Variants in GAS6 observed in about 807,000 individuals in gnomAD.
The protein encoded by GAS6 is growth arrest-specific protein 6.
Under a neutral mutation model 75.8 loss-of-function variants are expected in GAS6, and 41 were observed. That is an observed-to-expected ratio of 0.54 (90% CI 0.42 to 0.70). The LOEUF (loss-of-function observed/expected upper bound fraction) is 0.70, where lower values mean the gene tolerates loss of function less well. GAS6 is among the 30% of genes least tolerant of loss of function. The probability of loss-of-function intolerance (pLI) is 0.00; values close to 1 mark genes in which losing one functional copy is unlikely to be tolerated. For synonymous variants in GAS6, 432 were observed against 412.6 expected (o/e 1.05, Z -0.57); for missense variants, 854 against 940.2 (o/e 0.91, Z 1.20).
At chr13:113,821,072 C>T in intron 14 of GAS6, 54 bp from the exon 15 acceptor site, 1 of 1,579,974 alleles carries the variant, frequency 6.3e-7, no homozygotes, top group Non-Finnish European at 8.7e-7. Context: ...GCCGGCCCCG[C>T]CTGGCCCCCC....
intron 4 of GAS6, chr13:113,841,065 C>G (rs1449677733): frequency 6.6e-6 from 1 of 152,302 alleles, no homozygotes; most frequent in Non-Finnish European, 1.5e-5. Flanking sequence ...CCTGAGGCTC[C>G]CAAGGTGACG....
intron 8 of GAS6, 33 bp downstream of exon 8, chr13:113,834,518 C>T (rs760628689): frequency 5.0e-5 from 75 of 1,494,424 alleles, no homozygotes; most frequent in Non-Finnish European, 6.0e-5. Flanking sequence ...CCGGAACCAC[C>T]GTGAAGGGCC....
chr13:113,863,715 T>A lies in GAS6; in HGVS notation c.115A>T (p.Thr39Ser). 6.6e-7 allele frequency: 1 copy of A among 1,505,026 alleles called. No individual in the cohort carries two copies. The highest frequency in any genetic ancestry group is 8.8e-7 in the Non-Finnish European group (1 of 1,130,242). The allele number at this position is 1,505,026 out of a possible 1,614,324, so 93.2% of individuals were successfully genotyped here. A position where few individuals can be genotyped will look rare whatever the true frequency, so the allele number is the denominator to read the frequency against. Residue 39 changes from threonine to serine, a missense_variant, in exon 2 of 15, where the codon ACG (threonine) becomes TCG (serine). Physicochemically the swap from Thr to Ser is moderately conservative, Grantham distance 58. Coordinates refer to ENST00000327773, the MANE Select transcript of GAS6 (RefSeq NM_000820.4). The surrounding 1 kb of genome is among the most constrained non-coding windows in gnomAD (Gnocchi z 9.4). The stretch of plus-strand genomic sequence containing the variant: ...CGCTGCCTGGGCCGCAGGAACTGCG[T>A]GGCCTCGCGCGCCGGCAACAGCGCG... ...LAALLPAREA[T>S]QFLRPRQRRA...
At chr13:113,833,015 C>T (rs2051649781) in intron 8 of GAS6, 1 of 1,375,868 alleles carries the variant, frequency 7.3e-7, no homozygotes, top group Non-Finnish European at 9.4e-7. Flanking sequence ...TCCCTTGACC[C>T]TTTATTTTTA....
intron 13 of GAS6, 69 bp downstream of exon 13, chr13:113,823,306 G>C: frequency 6.7e-7 from 1 of 1,492,528 alleles, no homozygotes; most frequent in Non-Finnish European, 9.0e-7. Context: ...TTCGTCCCCT[G>C]CCAGGGAGTG....
At position 113,823,623 on chromosome 13, in the gene GAS6, C is replaced by T. The variant is rs535033524; in HGVS notation, c.1478-73G>A. ...CCACAGTGAGGTCGGAGCAGGGCCT[C>T]GAGAGATGCAGTCCCAGCCGGGGTG... On this transcript the variant is annotated intron_variant, in intron 12 of 14. Transcript: ENST00000327773. The T allele has an allele frequency of 3.3e-4, 479 of 1,436,834 alleles. 4 individuals are homozygous for T. In the East Asian group the frequency reaches 9.6e-3, roughly 29 times the overall value. The allele number at this position is 1,436,834 out of a possible 1,614,324, so 89.0% of individuals were successfully genotyped here. A position where few individuals can be genotyped will look rare whatever the true frequency, so the allele number is the denominator to read the frequency against.
chr13:113,842,666 A>G (rs998301983), intron 4 of GAS6: 1 of 397,240 alleles, frequency 2.5e-6, no homozygotes, highest in Non-Finnish European at 4.4e-6. Context: ...CGTGCAGGGC[A>G]GGCGGCCTGT....
Position 113,848,699 on chromosome 13 carries a change from T to C in GAS6, c.256-649A>G, listed in dbSNP as rs1594206651. 6.6e-6 allele frequency among the ~76,000 whole-genome samples: 1 copy of C among 152,302 alleles called. No homozygotes were observed. The highest frequency in any genetic ancestry group is 3.4e-3 in the Middle Eastern group (1 of 294). On this transcript the variant is annotated intron_variant, in intron 2 of 14. Transcript: ENST00000327773. The surrounding 1 kb of genome is among the most constrained non-coding windows in gnomAD (Gnocchi z 4.8). ...CCAATCTCCAGCTTAGGGTCAACCA[T>C]GCCAGCAGTTTGGCCCTAAATGCTC... is the stretch of plus-strand genomic sequence containing the variant.
rs2051446587 is a variant in GAS6 at position 113,820,906 on chromosome 13, G to T, written c.1995C>A (p.Ile665=). The T allele has an allele frequency of 6.2e-7, 1 of 1,612,066 alleles. No individual in the cohort carries two copies. The highest frequency in any genetic ancestry group is 8.5e-7 in the Non-Finnish European group (1 of 1,179,864). Residue 665 remains isoleucine (I), a synonymous_variant, in exon 15 of 15, where the codon ATC becomes ATA. Coordinates refer to ENST00000327773, the MANE Select transcript of GAS6 (RefSeq NM_000820.4). The stretch of plus-strand genomic sequence containing the variant: ...CCACGGGGGGGCAGGAGTGGGCCGT[G>T]ATGTCGCTGTGCTTGTACGCCGCCT... ...LDEAAYKHSD[I]TAHSCPPVEP...
intron 2 of GAS6, among the ~76,000 whole-genome samples, chr13:113,861,656 G>A (rs2051972253): frequency 6.6e-6 from 1 of 152,162 alleles, no homozygotes; most frequent in Non-Finnish European, 1.5e-5. Flanking sequence ...GGGTGGGCCT[G>A]GTGTGCTGGA....
In GAS6 at chr13:113,837,494, G is replaced by C. The variant is rs2051729639; in HGVS notation, c.589+575C>G. ...GGTGCTCCCCCTGCAAAGTGGCAAA[G>C]GGCCAGTGGCAGCAGCAGCACCTGG... On this transcript the variant is annotated intron_variant, in intron 6 of 14. Coordinates refer to ENST00000327773, the MANE Select transcript of GAS6 (RefSeq NM_000820.4). The surrounding 1 kb of genome is among the most constrained non-coding windows in gnomAD (Gnocchi z 5.1). 6.6e-6 allele frequency among the ~76,000 whole-genome samples: 1 copy of C among 152,156 alleles called. No individual in the cohort carries two copies. The highest frequency in any genetic ancestry group is 2.1e-4 in the South Asian group (1 of 4,834).
At position 113,827,057 on chromosome 13, in the gene GAS6, C is replaced by T. The variant is rs778705219; in HGVS notation, c.1416G>A (p.Ser472=). ...VKVNTRMQCF[S]VTERGSFYPG... ...GGTAGAAAGAGCCTCTCTCCGTCAC[C>T]GAGAAGCACTGCATCCTCGTGTTCA... Residue 472 remains serine, a synonymous_variant, in exon 12 of 15, where the codon TCG becomes TCA. Transcript: ENST00000327773. 1.6e-5 allele frequency: 26 copies of T among 1,613,462 alleles called. No individual in the cohort carries two copies. The highest frequency in any genetic ancestry group is 8.9e-5 in the East Asian group (4 of 44,880).
chr13:113,834,940 G>A (rs894873003), intron 7 of GAS6, among the ~76,000 whole-genome samples: 4 of 152,230 alleles, frequency 2.6e-5, no homozygotes, highest in Admixed American at 2.6e-4. Flanking sequence ...ACCCACCCCC[G>A]CTGCCGGGCC....
intron 4 of GAS6, among the ~76,000 whole-genome samples, chr13:113,846,309 TTTA>T (rs1406553916): frequency 6.6e-6 from 1 of 152,224 alleles, no homozygotes; most frequent in Non-Finnish European, 1.5e-5. Flanking sequence ...CTGTGAAACA[TTTA>T]CATTTTGTTC....
chr13:113,854,971 G>A (rs1224872550), intron 2 of GAS6, among the ~76,000 whole-genome samples: 1 of 152,244 alleles, frequency 6.6e-6, no homozygotes, highest in Non-Finnish European at 1.5e-5. Flanking sequence ...CCCCAGCCCC[G>A]GTGGCATCGC....
chr13:113,821,400 A>C, intron 14 of GAS6: 1 of 245,302 alleles, frequency 4.1e-6, no homozygotes, highest in Non-Finnish European at 8.0e-6. Context: ...CAAGAGAGAA[A>C]TCCTGCCGTT....
chr13:113,823,642 C>A, intron 12 of GAS6, 92 bp from the exon 13 acceptor site: 2 of 1,291,490 alleles, frequency 1.5e-6, no homozygotes, highest in Non-Finnish European at 2.1e-6. Context: ...CAGTCCCAGC[C>A]GGGGTGGGAA....
In GAS6 at chr13:113,844,841, C is replaced by G. The variant is rs766309815; in HGVS notation, c.343+1686G>C. ...GGTGTTGGGGCAGGAACTGAGCCTG[C>G]AGTCTAGATCCCCACCTCATCCATC... On this transcript the variant is annotated intron_variant, in intron 4 of 14. Transcript: ENST00000327773. The surrounding 1 kb of genome is among the most constrained non-coding windows in gnomAD (Gnocchi z 5.7). 1.3e-5 allele frequency: 2 copies of G among 150,478 alleles called. No homozygotes were observed. Among genetic ancestry groups the G allele is most frequent in the Non-Finnish European group, 2.9e-5 (2 of 68,012 alleles). The allele number at this position is 150,478 out of a possible 1,614,324, so 9.3% of individuals were successfully genotyped here.
intron 2 of GAS6, among the ~76,000 whole-genome samples, chr13:113,849,631 T>C (rs1361496612): frequency 2.6e-5 from 4 of 152,152 alleles, no homozygotes; most frequent in African/African-American, 4.8e-5. Context: ...TTACAGCAAG[T>C]GTGTTCTATT....
Sources: allele counts gnomAD v4.1 joint callset (sites outside exome capture counted in the v4.1 genomes callset), GRCh38; gene constraint gnomAD v4.1.1; non-coding constraint Gnocchi (gnomAD v3.1); transcripts MANE v1.5; gene names NCBI Gene and HGNC (gene_info 2026-07-23, HGNC 2026-07-21).